RAB13: variants seen among roughly 807,000 people sequenced by gnomAD.
RAB13 encodes RAB13, member RAS oncogene family.
Under a neutral mutation model 29.3 loss-of-function variants are expected in RAB13, and 15 were observed. The observed-to-expected ratio is 0.51, with a 90% CI of 0.34 to 0.79. The LOEUF (loss-of-function observed/expected upper bound fraction) is 0.79. Ranked by LOEUF, RAB13 falls within the 30% of genes least tolerant of loss-of-function variation. The pLI is 0.01. For missense variants in RAB13, 186 were observed against 255.5 expected (o/e 0.73, Z 1.85); for synonymous variants, 82 against 93.8 (o/e 0.87, Z 0.73).
At chr1:153,983,453 A>C (rs531234487) in intron 3 of RAB13, 68 bp downstream of exon 3, 103 of 1,533,894 alleles carry the variant, frequency 6.7e-5, no homozygotes, top group Non-Finnish European at 8.9e-5. Context: ...CCAACCCCTG[A>C]CCCTTTGTAT....
chr1:153,983,268 T>C lies in RAB13; in HGVS notation c.275A>G (p.Asp92Gly). 2.5e-6 allele frequency: 4 copies of C among 1,614,062 alleles called. No individual in the cohort carries two copies. Among genetic ancestry groups the C allele is most frequent in the Non-Finnish European group, 3.4e-6 (4 of 1,179,922 alleles). ...CTGAATATTCTCGAAAGATTTCTCA[T>C]CCGTGATGTCGTATACTAGGATAAT... ...MGIILVYDIT[D>G]EKSFENIQNW... The change falls in exon 4 of 8, where the codon GAT becomes GGT. Residue 92 changes from aspartate (D) to glycine (G), a missense_variant. Physicochemically the swap from Asp to Gly is moderately conservative, Grantham distance 94. Coordinates refer to ENST00000368575, the MANE Select transcript of RAB13 (RefSeq NM_002870.5).
intron 1 of RAB13, chr1:153,985,249 T>A: frequency 1.0e-6 from 1 of 986,452 alleles, no homozygotes; most frequent in Non-Finnish European, 1.2e-6. Context: ...GGGCCAAACT[T>A]GGCACTAGGA....
Position 153,981,763 on chromosome 1 carries a change from T to C in RAB13, c.*336A>G, listed in dbSNP as rs1648978503. 5.9e-6 allele frequency: 2 copies of C among 341,198 alleles called. No homozygotes were observed. The highest frequency in any genetic ancestry group is 7.2e-5 in the South Asian group (2 of 27,850). 21.1% of individuals were successfully genotyped at this position (341,198 alleles called of 1,614,324 possible). A position where few individuals can be genotyped will look rare whatever the true frequency, so the allele number is the denominator to read the frequency against. ...CCTTTTGCAGGACCCTAAAACCTGA[T>C]CTAGTAACAGAATAAATCAGTGTAT... On this transcript the variant is annotated 3_prime_UTR_variant, in exon 8 of 8. Transcript: ENST00000368575.
chr1:153,985,986 G>A (rs1272395837), intron 1 of RAB13, 127 bp downstream of exon 1: 1 of 1,474,450 alleles, frequency 6.8e-7, no homozygotes, highest in East Asian at 2.5e-5. Context: ...TCAGAGCCAG[G>A]GGTTGAGGGA....
Position 153,982,898 on chromosome 1 carries a change from G to A in RAB13, c.325-90C>T, listed in dbSNP as rs867456942. On this transcript the variant is annotated intron_variant, in intron 4 of 7. Transcript: ENST00000368575. ...TCCCAGCACTTTGGGAGGCCAAGGC[G>A]GGTGGATCACCTGATGCAGGAGTTC... 25 of 1,271,642 alleles carry A rather than the reference G, an allele frequency of 2.0e-5. 1 individual carries two copies. In the Admixed American group the frequency reaches 2.2e-4, roughly 11 times the overall value. 78.8% of individuals were successfully genotyped at this position (1,271,642 alleles called of 1,614,324 possible). A position where few individuals can be genotyped will look rare whatever the true frequency, so the allele number is the denominator to read the frequency against.
At chr1:153,986,957 A>C (rs1193009452), upstream of RAB13, among the ~76,000 whole-genome samples, 1 of 152,112 alleles carries the variant, frequency 6.6e-6, no homozygotes, top group African/African-American at 2.4e-5. Context: ...AATCGGCCCC[A>C]CCACCCCAAC....
chr1:153,986,090 T>C (rs774089683), intron 1 of RAB13, 23 bp downstream of exon 1: 3 of 1,612,628 alleles, frequency 1.9e-6, no homozygotes, highest in African/African-American at 2.7e-5. Flanking sequence ...AGTCGGGGTC[T>C]GGGACATGGC....
Position 153,985,424 on chromosome 1 carries a change from G to T in RAB13, c.125-643C>A, listed in dbSNP as rs889657777. 29 of 964,318 alleles carry T rather than the reference G, an allele frequency of 3.0e-5. No homozygotes were observed. In the African/African-American group the frequency reaches 4.9e-4, roughly 16 times the overall value. 59.7% of individuals were successfully genotyped at this position (964,318 alleles called of 1,614,324 possible). A position where few individuals can be genotyped will look rare whatever the true frequency, so the allele number is the denominator to read the frequency against. On this transcript the variant is annotated intron_variant, in intron 1 of 7. Coordinates refer to ENST00000368575, the MANE Select transcript of RAB13 (RefSeq NM_002870.5). ...AGGAGGGGAGACAATGTTCTTCTTA[G>T]TAGAAACTTGGGCACCTCCCCCAAG...
rs543780422 is a variant in RAB13 at position 153,983,062 on chromosome 1, T to A, written c.324+157A>T. 5.2e-6 allele frequency: 4 copies of A among 771,626 alleles called. No homozygotes were observed. In the East Asian group the frequency reaches 9.8e-5, roughly 19 times the overall value. The allele number at this position is 771,626 out of a possible 1,614,324, so 47.8% of individuals were successfully genotyped here. A position where few individuals can be genotyped will look rare whatever the true frequency, so the allele number is the denominator to read the frequency against. On this transcript the variant is annotated intron_variant, in intron 4 of 7. Coordinates refer to ENST00000368575, the MANE Select transcript of RAB13 (RefSeq NM_002870.5). ...ATCGTTTGAACCTGGGAGGCAGAGG[T>A]TGCAGTGAGCCGAGATCCTGCCATT...
chr1:153,990,209 G>A (rs1267944254), upstream of RAB13, among the ~76,000 whole-genome samples: 5 of 152,116 alleles, frequency 3.3e-5, no homozygotes, highest in Non-Finnish European at 7.4e-5. Flanking sequence ...GGGATTACAG[G>A]CACACGCCAC....
At chr1:153,983,412 C>T in intron 3 of RAB13, 109 bp downstream of exon 3, 1 of 1,466,568 alleles carries the variant, frequency 6.8e-7, no homozygotes. Flanking sequence ...CCTCTGCAAC[C>T]CACACTGCAC....
chr1:153,982,809 C>G lies in RAB13; in HGVS notation c.325-1G>C. 6.2e-7 allele frequency: 1 copy of G among 1,614,124 alleles called. No homozygotes were observed. ...GGCGCTCCACCCCAGCCGAGGCATTCTGGGGGCAAAAGACAAGTAAAAGTT... is the reference window on the plus strand; with the variant it reads ...GGCGCTCCACCCCAGCCGAGGCATTGTGGGGGCAAAAGACAAGTAAAAGTT... On this transcript the variant is annotated splice_acceptor_variant, in intron 4 of 7. Transcript: ENST00000368575. LOFTEE classifies it high-confidence loss of function.
chr1:153,986,449 G>C (rs911188399), upstream of RAB13: 4 of 522,646 alleles, frequency 7.7e-6, no homozygotes, highest in South Asian at 2.3e-5. Context: ...CTGCCAGCCC[G>C]GCCTCTGTTC....
chr1:153,989,273 G>A (rs1300886177), upstream of RAB13, among the ~76,000 whole-genome samples: 2 of 142,838 alleles, frequency 1.4e-5, 1 homozygote, highest in Non-Finnish European at 3.1e-5. Flanking sequence ...TATTTGAGAC[G>A]GAGTCTCGCT....
intron 3 of RAB13, 69 bp from the exon 4 acceptor site, chr1:153,983,365 C>T: frequency 6.6e-7 from 1 of 1,518,992 alleles, no homozygotes; most frequent in Non-Finnish European, 9.1e-7. Flanking sequence ...GTAAGTGACC[C>T]CGCATCCATG....
upstream of RAB13, among the ~76,000 whole-genome samples, chr1:153,989,299 C>G (rs530069694): frequency 3.9e-5 from 5 of 129,170 alleles, no homozygotes; most frequent in Admixed American, 7.5e-5. Flanking sequence ...GCCCAGGCTG[C>G]AGTGCAGCGG....
intron 1 of RAB13, 74 bp downstream of exon 1, chr1:153,986,039 G>T: frequency 6.3e-7 from 1 of 1,596,214 alleles, no homozygotes; most frequent in Non-Finnish European, 8.5e-7. Flanking sequence ...GAAAAGTGGG[G>T]TCACTAGTAA....
Position 153,985,027 on chromosome 1 carries a change from T to G in RAB13, c.125-246A>C, listed in dbSNP as rs968143960. On this transcript the variant is annotated intron_variant, in intron 1 of 7. Coordinates refer to ENST00000368575, the MANE Select transcript of RAB13 (RefSeq NM_002870.5). ...GGGAAAAGGTGACGAAAATTCTGCA[T>G]GGAGGCTTAAAATCCTTAGGCTGCC... 7 of 1,225,494 alleles carry G rather than the reference T, an allele frequency of 5.7e-6. No individual in the cohort carries two copies. The African/African-American group carries it at 1.1e-4, about 20-fold the overall frequency. 75.9% of individuals were successfully genotyped at this position (1,225,494 alleles called of 1,614,324 possible).
upstream of RAB13, among the ~76,000 whole-genome samples, chr1:153,987,965 A>T (rs534113152): frequency 1.7e-3 from 251 of 149,274 alleles, 2 homozygotes; most frequent in African/African-American, 4.1e-3. Context: ...TTTCAAAAAA[A>T]TTTTTTATTT....
Sources: gnomAD v4.1 joint callset for allele counts (sites outside exome capture counted in the v4.1 genomes callset) on GRCh38, gnomAD v4.1.1 for gene constraint, MANE v1.5 for transcripts, NCBI Gene and HGNC (gene_info 2026-07-23, HGNC 2026-07-21) for gene names.